Variants in MRAP observed in about 807,000 individuals in gnomAD.
MRAP encodes melanocortin 2 receptor accessory protein.
MRAP carries 8 observed loss-of-function variants against 8.7 expected under a neutral mutation model. The observed-to-expected ratio is 0.92, with a 90% CI of 0.54 to 1.66. The LOEUF (loss-of-function observed/expected upper bound fraction) is 1.66. Ranked by LOEUF, MRAP falls within the 40% of genes most tolerant of loss-of-function variation. The probability of loss-of-function intolerance (pLI) is 0.00; values close to 1 mark genes in which losing one functional copy is unlikely to be tolerated. For missense variants in MRAP, 237 were observed against 217.1 expected, an observed-to-expected ratio of 1.09 and a Z score of -0.58; for synonymous variants, 95 against 95.5, an observed-to-expected ratio of 1.00 and a Z score of 0.03.
chr21:32,313,782 G>A (rs2032632619), downstream of MRAP: 1 of 152,204 alleles, frequency 6.6e-6, no homozygotes, highest in Non-Finnish European at 1.5e-5. Context: ...AGTTTTAAAG[G>A]AACAGACGGA....
Position 32,311,827 on chromosome 21 carries a change from C to A in MRAP, c.350C>A (p.Thr117Asn). The A allele has an allele frequency of 6.2e-7, 1 of 1,613,910 alleles. No homozygotes were observed. Among genetic ancestry groups the A allele is most frequent in the African/African-American group, 1.3e-5 (1 of 75,068 alleles). The change falls in exon 3 of 3, where the codon ACT (threonine) becomes AAT (asparagine). Residue 117 changes from threonine to asparagine, a missense_variant. By Grantham distance (65) the Thr-to-Asn change is moderately conservative. Transcript: ENST00000303645. Reference protein sequence around the residue: ...QASSVEPGSRTGPDQPLRQES... With the variant: ...QASSVEPGSRNGPDQPLRQES... Reference sequence around the variant, plus strand: ...AGCTCAGTGGAGCCAGGGAGCAGAACTGGCCCTGACCAGCCGCTACGACAG... The same window carrying A: ...AGCTCAGTGGAGCCAGGGAGCAGAAATGGCCCTGACCAGCCGCTACGACAG...
At position 32,307,873 on chromosome 21, in the gene MRAP, CAACA is replaced by C. The variant is rs542156163; in HGVS notation, c.206+1145_206+1148del. ...TGGGTGATAGAACAAGACCCTGTCT[CAACA>C]AACAAACAAAAAGTTCTAAAATTAG... On this transcript the variant is annotated intron_variant, in intron 2 of 2. Coordinates refer to ENST00000303645, the MANE Select transcript of MRAP (RefSeq NM_001379228.1). Among the ~76,000 whole-genome samples, 22 of 152,052 alleles carry C rather than the reference CAACA, an allele frequency of 1.4e-4. No homozygotes were observed. In the South Asian group the frequency reaches 4.4e-3, roughly 30 times the overall value.
chr21:32,306,889 A>T (rs2032434213), intron 2 of MRAP, 150 bp downstream of exon 2: 2 of 722,120 alleles, frequency 2.8e-6, no homozygotes, highest in Non-Finnish European at 5.0e-6. Flanking sequence ...CTACCAGCTG[A>T]GCATCTCAAA....
chr21:32,306,991 G>A (rs546261669), intron 2 of MRAP, among the ~76,000 whole-genome samples: 12 of 152,252 alleles, frequency 7.9e-5, no homozygotes, highest in African/African-American at 1.4e-4. Context: ...TCAGATTTTC[G>A]GGTTTGGGAT....
At chr21:32,302,671 T>C in intron 1 of MRAP, among the ~76,000 whole-genome samples, 1 of 152,162 alleles carries the variant, frequency 6.6e-6, no homozygotes, top group East Asian at 1.9e-4. Context: ...CATCCTCAGG[T>C]TGCAAGCCAT....
intron 1 of MRAP, among the ~76,000 whole-genome samples, chr21:32,303,999 G>A (rs894876076): frequency 2.6e-5 from 4 of 152,182 alleles, no homozygotes; most frequent in African/African-American, 7.2e-5. Flanking sequence ...TGGGGATGAC[G>A]ATAAGGACTC....
At chr21:32,294,816 C>T (rs1429977053), upstream of MRAP, among the ~76,000 whole-genome samples, 2 of 152,052 alleles carry the variant, frequency 1.3e-5, no homozygotes, top group Non-Finnish European at 2.9e-5. Context: ...CTGAATTTTT[C>T]AAACCATAAG....
chr21:32,310,496 T>C (rs1170400394), intron 2 of MRAP, among the ~76,000 whole-genome samples: 1 of 152,214 alleles, frequency 6.6e-6, no homozygotes, highest in Non-Finnish European at 1.5e-5. Flanking sequence ...CATTTCATCC[T>C]GAGGATATCT....
chr21:32,306,783 T>C (rs776142538), intron 2 of MRAP, 44 bp downstream of exon 2: 2 of 1,451,464 alleles, frequency 1.4e-6, no homozygotes, highest in Non-Finnish European at 1.9e-6. Context: ...TCAGACGCTC[T>C]CCAGTGAGTA....
intron 1 of MRAP, among the ~76,000 whole-genome samples, chr21:32,300,825 C>T (rs950043517): frequency 6.9e-6 from 1 of 145,478 alleles, no homozygotes. Context: ...GTCATGTGTC[C>T]TATGTCGGAT....
chr21:32,309,045 A>T (rs187169854), intron 2 of MRAP, among the ~76,000 whole-genome samples: 169 of 152,302 alleles, frequency 1.1e-3, no homozygotes, highest in Non-Finnish European at 2.0e-3. Context: ...TGTTGCTGTA[A>T]CAGAATACCT....
At chr21:32,313,094 G>C (rs1017071868), downstream of MRAP, 1 of 152,240 alleles carries the variant, frequency 6.6e-6, no homozygotes, top group African/African-American at 2.4e-5. Context: ...GCTGGAACTC[G>C]GCTTTGGAGC....
downstream of MRAP, chr21:32,314,675 T>G: frequency 6.2e-7 from 1 of 1,608,596 alleles, no homozygotes; most frequent in Admixed American, 1.7e-5. Flanking sequence ...ATGGGCCTCA[T>G]GGCCTAGAAG....
Position 32,312,143 on chromosome 21 carries a change from C to T in MRAP, c.*147C>T. On this transcript the variant is annotated 3_prime_UTR_variant, in exon 3 of 3. Transcript: ENST00000303645. Reference sequence around the variant, plus strand: ...CAACTAGAGCAGGAGCATCCTATGCCTTTGACAAAGATTGCAGTGGCCCCT... The same window carrying T: ...CAACTAGAGCAGGAGCATCCTATGCTTTTGACAAAGATTGCAGTGGCCCCT... 1 of 1,535,026 alleles carries T rather than the reference C, an allele frequency of 6.5e-7. No individual in the cohort carries two copies. Among genetic ancestry groups the T allele is most frequent in the Non-Finnish European group, 8.7e-7 (1 of 1,145,804 alleles).
intron 2 of MRAP, among the ~76,000 whole-genome samples, chr21:32,293,357 G>A (rs962664324): frequency 1.3e-5 from 2 of 151,968 alleles, no homozygotes; most frequent in African/African-American, 4.8e-5. Flanking sequence ...ATTGACATAA[G>A]GTAAGACACC....
At chr21:32,314,521 A>C, downstream of MRAP, 1 of 1,596,872 alleles carries the variant, frequency 6.3e-7, no homozygotes, top group Non-Finnish European at 8.6e-7. Context: ...CGTTTTCATA[A>C]AAAAAATCTG....
At chr21:32,311,423 CA>C in intron 2 of MRAP, 1 of 292,250 alleles carries the variant, frequency 3.4e-6, no homozygotes, top group South Asian at 1.1e-4. Context: ...CCACCCCCCC[CA>C]TCCTAAATCA....
At chr21:32,314,489 A>C, downstream of MRAP, 1 of 1,519,930 alleles carries the variant, frequency 6.6e-7, no homozygotes, top group Non-Finnish European at 9.1e-7. Flanking sequence ...CTGCTGAAAA[A>C]TAAACTTTAA....
rs1177743023 is a variant in MRAP, at chr21:32,304,982, T to G, written c.107-1658T>G. Among the ~76,000 whole-genome samples the G allele has an allele frequency of 7.0e-5, 10 of 143,860 alleles. No individual in the cohort carries two copies. In the South Asian group the frequency reaches 8.8e-4, roughly 13 times the overall value. The allele number at this position is 143,860 out of a possible 152,430, so 94.4% of individuals were successfully genotyped here. On this transcript the variant is annotated intron_variant, in intron 1 of 2. Coordinates refer to ENST00000303645, the MANE Select transcript of MRAP (RefSeq NM_001379228.1). ...TTTTTGTTGTTTTTTTTTTTTTTTT[T>G]TTTTTTTTGAGACAGCATCTTGCTC... is the stretch of plus-strand genomic sequence containing the variant.
Sources: gnomAD v4.1 joint callset for allele counts (sites outside exome capture counted in the v4.1 genomes callset) on GRCh38, gnomAD v4.1.1 for gene constraint, MANE v1.5 for transcripts, NCBI Gene and HGNC (gene_info 2026-07-23, HGNC 2026-07-21) for gene names.